Variants in AMD1 observed in about 807,000 individuals in gnomAD.
AMD1 encodes the protein adenosylmethionine decarboxylase 1.
Under a neutral mutation model 40.2 loss-of-function variants are expected in AMD1, and 11 were observed. The observed-to-expected ratio is 0.27, with a 90% CI of 0.17 to 0.45. The LOEUF (loss-of-function observed/expected upper bound fraction) is 0.45. Among genes scored for constraint, AMD1 ranks in the 20% least tolerant of loss-of-function variants. AMD1 has a pLI of 1.00. For synonymous variants in AMD1, 121 were observed against 130.8 expected, an observed-to-expected ratio of 0.93 and a Z score of 0.51; for missense variants, 257 against 410.2, an observed-to-expected ratio of 0.63 and a Z score of 3.23.
chr6:110,859,650 A>G, the AMD1 span, among the ~76,000 whole-genome samples: 2 of 152,112 alleles, frequency 1.3e-5, no homozygotes, highest in Non-Finnish European at 2.9e-5. Flanking sequence ...CCTGGCCACA[A>G]TGCTAAATAT....
intron 1 of AMD1, among the ~76,000 whole-genome samples, chr6:110,878,176 A>G (rs1785210280): frequency 6.6e-6 from 1 of 152,212 alleles, no homozygotes; most frequent in African/African-American, 2.4e-5. Flanking sequence ...TTCTTCTGGG[A>G]AACAACATAC....
chr6:110,829,298 G>A, the AMD1 span, among the ~76,000 whole-genome samples: 5 of 151,870 alleles, frequency 3.3e-5, no homozygotes, highest in African/African-American at 9.7e-5. Context: ...TTGGGAGGCT[G>A]AGGCAGGCGG....
At chr6:110,859,160 G>T in the AMD1 span, 7 of 1,203,426 alleles carry the variant, frequency 5.8e-6, no homozygotes, top group Non-Finnish European at 8.2e-6. Context: ...CTCCCAGCAC[G>T]CTCTCTCCCC....
upstream of AMD1, among the ~76,000 whole-genome samples, chr6:110,873,997 T>C (rs1432943497): frequency 6.6e-6 from 1 of 152,358 alleles, no homozygotes; most frequent in East Asian, 1.9e-4. Flanking sequence ...TTCCCACCAG[T>C]TGAGCTAATG....
At chr6:110,859,007 G>C in the AMD1 span, 5 of 1,176,560 alleles carry the variant, frequency 4.2e-6, no homozygotes, top group African/African-American at 7.4e-5. Flanking sequence ...AAAGCGGCCA[G>C]GTCTTTGGCC....
the AMD1 span, among the ~76,000 whole-genome samples, chr6:110,847,063 GGTGTGTGTGTGT>G: frequency 7.0e-6 from 1 of 143,180 alleles, no homozygotes; most frequent in Non-Finnish European, 1.5e-5. Flanking sequence ...GTGTGTGTGT[GGTGTGTGTGTGT>G]GTGTGTGTGT....
the AMD1 span, among the ~76,000 whole-genome samples, chr6:110,860,831 ACC>A: frequency 0.12 from 15,149 of 123,864 alleles, 949 homozygotes; most frequent in South Asian, 0.24. Context: ...CAAAACACCC[ACC>A]CACACACACA....
the AMD1 span, among the ~76,000 whole-genome samples, chr6:110,859,889 G>C: frequency 1.3e-5 from 2 of 152,148 alleles, no homozygotes; most frequent in African/African-American, 4.8e-5. Flanking sequence ...GAGTGCAGTG[G>C]TGCGATCTTG....
chr6:110,892,255 C>T (rs1440431311), intron 5 of AMD1, 44 bp from the exon 6 acceptor site: 3 of 1,613,432 alleles, frequency 1.9e-6, no homozygotes, highest in African/African-American at 1.3e-5. Flanking sequence ...AAGATTTAAA[C>T]TGCCAATTGT....
In AMD1 at chr6:110,892,726, C is replaced by CG. The variant is rs761062041; in HGVS notation, c.616-9_616-8insG. 302 of 1,606,260 alleles carry CG rather than the reference C, an allele frequency of 1.9e-4. No homozygotes were observed. Among genetic ancestry groups the CG allele is most frequent in the Admixed American group, 5.5e-4 (33 of 59,752 alleles). On this transcript the variant is annotated splice_polypyrimidine_tract_variant and intron_variant, in intron 6 of 8. Coordinates refer to ENST00000368885, the MANE Select transcript of AMD1 (RefSeq NM_001634.6). ...ACCCTTGTTAAACTCGGTCTTTTTC[C>CG]CCCCCCAGGAGAGTGGAATTCGTGA...
At chr6:110,839,359 TG>T in the AMD1 span, among the ~76,000 whole-genome samples, 1 of 152,206 alleles carries the variant, frequency 6.6e-6, no homozygotes. Flanking sequence ...CTTCAATCCA[TG>T]TTTTTTCTTT....
chr6:110,866,096 C>A, the AMD1 span, among the ~76,000 whole-genome samples: 2 of 152,080 alleles, frequency 1.3e-5, no homozygotes, highest in African/African-American at 4.8e-5. Context: ...AATTAAAAAA[C>A]TTCAGCCTTA....
At chr6:110,884,277 A>G (rs1785567066) in intron 1 of AMD1, among the ~76,000 whole-genome samples, 1 of 152,252 alleles carries the variant, frequency 6.6e-6, no homozygotes, top group African/African-American at 2.4e-5. Context: ...CAAGACCTAG[A>G]ATGATGTAAC....
chr6:110,820,240 C>CATTTT, the AMD1 span, among the ~76,000 whole-genome samples: 1 of 141,968 alleles, frequency 7.0e-6, no homozygotes. Context: ...TTCTTTCTTT[C>CATTTT]TTTTTTTTTT....
At chr6:110,869,887 A>G (rs899617961), upstream of AMD1, among the ~76,000 whole-genome samples, 1 of 152,144 alleles carries the variant, frequency 6.6e-6, no homozygotes, top group Non-Finnish European at 1.5e-5. Context: ...TTGCATTGAC[A>G]TTAGAGAAAA....
chr6:110,866,662 T>C, the AMD1 span, among the ~76,000 whole-genome samples: 10 of 152,012 alleles, frequency 6.6e-5, no homozygotes, highest in East Asian at 1.9e-3. Flanking sequence ...AAAAAATTAA[T>C]TTTTTTTGAT....
chr6:110,892,500 AT>A, intron 6 of AMD1, 57 bp downstream of exon 6: 1 of 1,596,862 alleles, frequency 6.3e-7, no homozygotes, highest in Non-Finnish European at 8.5e-7. Context: ...ACTAAATTTT[AT>A]TTTTCATTCT....
intron 3 of AMD1, 141 bp downstream of exon 3, chr6:110,889,124 G>C: frequency 4.6e-6 from 4 of 874,748 alleles, no homozygotes; most frequent in African/African-American, 1.7e-5. Flanking sequence ...CATACCTTAG[G>C]AAGAGATCTG....
the AMD1 span, chr6:110,863,733 T>C: frequency 4.5e-6 from 1 of 224,310 alleles, no homozygotes; most frequent in South Asian, 5.7e-5. Flanking sequence ...GGCTGATTTC[T>C]CCAAGAATTT....
Sources: allele counts gnomAD v4.1 joint callset (sites outside exome capture counted in the v4.1 genomes callset), GRCh38; gene constraint gnomAD v4.1.1; transcripts MANE v1.5; gene names NCBI Gene and HGNC (gene_info 2026-07-23, HGNC 2026-07-21).